Variants in CRYBG2 observed in about 807,000 individuals in gnomAD.
The protein encoded by CRYBG2 is beta/gamma crystallin domain-containing protein 2.
CRYBG2 carries 106 observed loss-of-function variants against 153.4 expected under a neutral mutation model. The observed-to-expected ratio is 0.69, with a 90% CI of 0.59 to 0.81. The LOEUF is 0.81. CRYBG2 is among the 30% of genes least tolerant of loss of function. CRYBG2 has a pLI of 0.00. For missense variants in CRYBG2, 1,996 were observed against 2,112.0 expected (o/e 0.95, Z 1.08); for synonymous variants, 851 against 877.8 (o/e 0.97, Z 0.54).
In CRYBG2 at chr1:26,343,113, AC is replaced by A; in HGVS notation, c.3007del (p.Val1003SerfsTer14). On this transcript the variant is annotated frameshift_variant, in exon 4 of 20. Transcript: ENST00000308182. LOFTEE classifies it high-confidence loss of function. This position sits in a 1 kb window ranked among gnomAD's most constrained non-coding sequence, Gnocchi z 4.1. ...TGAGGCATCAACGATGTCTCCCCAG[AC>A]CTCCCTGCCACTGCCTTGGCAGCCA... is the stretch of plus-strand genomic sequence containing the variant. ...ESGCQGSGRE[V>X]WGDIVDASGW... 1.3e-6 allele frequency: 2 copies of A among 1,550,004 alleles called. No homozygotes were observed. The highest frequency in any genetic ancestry group is 1.7e-6 in the Non-Finnish European group (2 of 1,146,890).
intron 17 of CRYBG2, 26 bp downstream of exon 17, chr1:26,328,183 C>T (rs749299692): frequency 5.8e-6 from 9 of 1,556,012 alleles, no homozygotes; most frequent in East Asian, 2.4e-5. Flanking sequence ...GCCCCAGACA[C>T]GCTCAGCTCC....
rs1470133318 is a variant in CRYBG2, at chr1:26,345,880, C to CGCA, written c.777_778insTGC (p.Gly259_Gly260insCys). The CGCA allele has an allele frequency of 6.3e-7, 1 of 1,597,172 alleles. No individual in the cohort carries two copies. The highest frequency in any genetic ancestry group is 8.5e-7 in the Non-Finnish European group (1 of 1,179,502). On this transcript the variant is annotated inframe_insertion, in exon 2 of 20. Coordinates refer to ENST00000308182, the MANE Select transcript of CRYBG2 (RefSeq NM_001039775.4). ...CTGCCCAGACCTGTGCTCCTTGGCCCGCCAGCCGTGGGCCTGGGCAGGTGA... is the reference window on the plus strand; with the variant it reads ...CTGCCCAGACCTGTGCTCCTTGGCCCGCAGCCAGCCGTGGGCCTGGGCAGGTGA...
In CRYBG2 at chr1:26,325,608, G is replaced by GTTAC. The variant is rs1385890463; in HGVS notation, c.4579-1299_4579-1298insGTAA. ...TTAAAAAAATGAATGCACTCCCACAGATACACACACACACACACACACACA... is the reference window on the plus strand; with the variant it reads ...TTAAAAAAATGAATGCACTCCCACAGTTACATACACACACACACACACACACACA... On this transcript the variant is annotated intron_variant, in intron 17 of 19. Transcript: ENST00000308182. This position sits in a 1 kb window ranked among gnomAD's most constrained non-coding sequence, Gnocchi z 4.1. Among the ~76,000 whole-genome samples, 2 of 78,260 alleles carry GTTAC rather than the reference G, an allele frequency of 2.6e-5. No individual in the cohort carries two copies. The highest frequency in any genetic ancestry group is 9.6e-5 in the African/African-American group (2 of 20,936). 51.3% of individuals were successfully genotyped at this position (78,260 alleles called of 152,430 possible).
At chr1:26,342,714 C>G in intron 5 of CRYBG2, 40 bp downstream of exon 5, 2 of 1,602,586 alleles carry the variant, frequency 1.2e-6, no homozygotes, top group Non-Finnish European at 8.5e-7. Context: ...GATTTCAACT[C>G]TAGGCACTCG....
In CRYBG2 at chr1:26,346,325, C is replaced by G. The variant is rs1363896392; in HGVS notation, c.333G>C (p.Glu111Asp). The change falls in exon 2 of 20, where the codon GAG becomes GAC. Residue 111 changes from glutamate to aspartate, a missense_variant. Physicochemically the swap from Glu to Asp is conservative, Grantham distance 45. Coordinates refer to ENST00000308182, the MANE Select transcript of CRYBG2 (RefSeq NM_001039775.4). This position sits in a 1 kb window ranked among gnomAD's most constrained non-coding sequence, Gnocchi z 4.9. ...GGTCCACAGCCTCCTTCAGCCTCCC[C>G]TCAGGCCTTTTCTCCTTGGGAGGTG... ...YIPPPKEKRP[E>D]GRLKEAVDQS... 5 of 1,599,360 alleles carry G rather than the reference C, an allele frequency of 3.1e-6. No individual in the cohort carries two copies. The highest frequency in any genetic ancestry group is 4.2e-6 in the Non-Finnish European group (5 of 1,179,796).
intron 10 of CRYBG2, 44 bp downstream of exon 10, chr1:26,337,209 G>A: frequency 6.2e-7 from 1 of 1,611,300 alleles, no homozygotes; most frequent in South Asian, 1.1e-5. Flanking sequence ...GGGAGGTCTG[G>A]CTGTGGCCAG....
In CRYBG2 at chr1:26,346,736, G is replaced by A. The variant is rs2074227754; in HGVS notation, c.-55-24C>T. The A allele has an allele frequency of 2.1e-6, 3 of 1,407,552 alleles. No individual in the cohort carries two copies. 87.2% of individuals were successfully genotyped at this position (1,407,552 alleles called of 1,614,324 possible). ...CCCTGCAGAGGAATAAGAAAGATGA[G>A]GGTCAGAGGGTGGTGAGAGTGGCTT... On this transcript the variant is annotated intron_variant, in intron 1 of 19. Transcript: ENST00000308182. The surrounding 1 kb of genome is among the most constrained non-coding windows in gnomAD (Gnocchi z 4.9).
Position 26,336,405 on chromosome 1 carries a change from G to A in CRYBG2, c.4039-35C>T, listed in dbSNP as rs2074055855. The stretch of plus-strand genomic sequence containing the variant: ...GGGACCGAATCGAGAATTAGGGAGG[G>A]TGCCGGCCCCTAGCCTTGTCTTCTC... On this transcript the variant is annotated intron_variant, in intron 12 of 19. Coordinates refer to ENST00000308182, the MANE Select transcript of CRYBG2 (RefSeq NM_001039775.4). This position sits in a 1 kb window ranked among gnomAD's most constrained non-coding sequence, Gnocchi z 4.9. The A allele has an allele frequency of 1.2e-6, 2 of 1,610,728 alleles. No homozygotes were observed. Among genetic ancestry groups the A allele is most frequent in the African/African-American group, 1.3e-5 (1 of 74,802 alleles).
At position 26,345,424 on chromosome 1, in the gene CRYBG2, G is replaced by C. The variant is rs762944274; in HGVS notation, c.1234C>G (p.His412Asp). The C allele has an allele frequency of 3.7e-6, 6 of 1,609,144 alleles. No individual in the cohort carries two copies. The highest frequency in any genetic ancestry group is 1.6e-4 in the Middle Eastern group (1 of 6,076). The change falls in exon 2 of 20, where the codon CAT becomes GAT. Residue 412 changes from histidine to aspartate, a missense_variant. Transcript: ENST00000308182. ...ATVLPMVRSE[H>D]VTVPGQPPAP... ...GGAGGTTGTCCAGGGACTGTCACATGCTCGCTCCTCACCATGGGCAGGACG... is the reference window on the plus strand; with the variant it reads ...GGAGGTTGTCCAGGGACTGTCACATCCTCGCTCCTCACCATGGGCAGGACG...
rs1282649554 is a variant in CRYBG2 at position 26,343,820 on chromosome 1, T to G, written c.2838A>C (p.Gly946=). Residue 946 remains glycine (G), a synonymous_variant, in exon 2 of 20, where the codon GGA becomes GGC. Transcript: ENST00000308182. The surrounding 1 kb of genome is among the most constrained non-coding windows in gnomAD (Gnocchi z 4.1). ...TTTCACTGCAAAGCAGGGGCAACTG[T>G]CCTGGCACCTTCCTGAGCCCCGGTG... ...HGAPGLRKVP[G]QLPLLCSERS... The G allele has an allele frequency of 6.8e-7, 1 of 1,465,184 alleles. No homozygotes were observed. The highest frequency in any genetic ancestry group is 1.4e-5 in the African/African-American group (1 of 70,148). 90.8% of individuals were successfully genotyped at this position (1,465,184 alleles called of 1,614,324 possible).
rs778901937 is a variant in CRYBG2 at position 26,346,380 on chromosome 1, T to C, written c.278A>G (p.His93Arg). The change falls in exon 2 of 20, where the codon CAT (histidine) becomes CGT (arginine). Residue 93 changes from histidine to arginine, a missense_variant. Coordinates refer to ENST00000308182, the MANE Select transcript of CRYBG2 (RefSeq NM_001039775.4). The surrounding 1 kb of genome is among the most constrained non-coding windows in gnomAD (Gnocchi z 4.9). ...DTAGSKNFQSHGPIFSKKYIP... is the reference protein window; with the variant it reads ...DTAGSKNFQSRGPIFSKKYIP... ...GTACTTCTTGGAAAAGATGGGTCCATGGCTCTGGAAGTTCTTGGAGCCAGC... is the reference window on the plus strand; with the variant it reads ...GTACTTCTTGGAAAAGATGGGTCCACGGCTCTGGAAGTTCTTGGAGCCAGC... The C allele has an allele frequency of 3.1e-6, 5 of 1,599,536 alleles. No homozygotes were observed. The highest frequency in any genetic ancestry group is 1.1e-5 in the South Asian group (1 of 91,052).
At chr1:26,333,040 A>AC (rs2074015842) in intron 14 of CRYBG2, among the ~76,000 whole-genome samples, 1 of 141,884 alleles carries the variant, frequency 7.0e-6, no homozygotes, top group African/African-American at 2.6e-5. Flanking sequence ...AAAAAAAAAA[A>AC]AAAAAAGATT....
Position 26,344,707 on chromosome 1 carries a change from T to C in CRYBG2, c.1951A>G (p.Ile651Val). The C allele has an allele frequency of 6.5e-7, 1 of 1,533,166 alleles. No homozygotes were observed. The allele number at this position is 1,533,166 out of a possible 1,614,324, so 95.0% of individuals were successfully genotyped here. Residue 651 changes from isoleucine (I) to valine (V), a missense_variant, in exon 2 of 20, where the codon ATT becomes GTT. Ile to Val is a conservative substitution (Grantham distance 29). Coordinates refer to ENST00000308182, the MANE Select transcript of CRYBG2 (RefSeq NM_001039775.4). Reference sequence around the variant, plus strand: ...AGGGGCGGGGCAAGGCTGCCTGCAATACCCTGGACAGCCTCTTTTTGGATG... The same window carrying C: ...AGGGGCGGGGCAAGGCTGCCTGCAACACCCTGGACAGCCTCTTTTTGGATG... ...SSIQKEAVQG[I>V]AGSLAPPLTK...
Position 26,336,536 on chromosome 1 carries a change from G to T in CRYBG2, c.4038+70C>A, listed in dbSNP as rs1282402360. On this transcript the variant is annotated intron_variant, in intron 12 of 19. Coordinates refer to ENST00000308182, the MANE Select transcript of CRYBG2 (RefSeq NM_001039775.4). The surrounding 1 kb of genome is among the most constrained non-coding windows in gnomAD (Gnocchi z 4.9). ...GTCCTCCAGCCCGCTACCTCTGCGT[G>T]GGGGCGGGGCGCACCCGAACTCCAG... The T allele has an allele frequency of 6.5e-7, 1 of 1,540,752 alleles. No homozygotes were observed. Among genetic ancestry groups the T allele is most frequent in the African/African-American group, 1.4e-5 (1 of 72,436 alleles).
intron 1 of CRYBG2, among the ~76,000 whole-genome samples, chr1:26,351,312 T>A (rs1007798068): frequency 6.6e-6 from 1 of 152,208 alleles, no homozygotes; most frequent in Non-Finnish European, 1.5e-5. Flanking sequence ...TAAGCCCCTG[T>A]CCACCTGCCT....
In CRYBG2 at chr1:26,346,087, GC is replaced by G; in HGVS notation, c.570del (p.Arg191GlyfsTer2). ...TTTVVGGHVD[R>X]RMSSSVTVRP... is the part of the protein sequence containing the mutation. ...CTCACAGTCACAGAGCTGCTCATCC[GC>G]CGGTCCACATGACCTCCCACCACTG... On this transcript the variant is annotated frameshift_variant, in exon 2 of 20. Coordinates refer to ENST00000308182, the MANE Select transcript of CRYBG2 (RefSeq NM_001039775.4). LOFTEE classifies it high-confidence loss of function. This position sits in a 1 kb window ranked among gnomAD's most constrained non-coding sequence, Gnocchi z 4.9. 1 of 1,578,670 alleles carries G rather than the reference GC, an allele frequency of 6.3e-7. No homozygotes were observed. Among genetic ancestry groups the G allele is most frequent in the Non-Finnish European group, 8.6e-7 (1 of 1,167,216 alleles).
Position 26,336,053 on chromosome 1 carries a change from C to T in CRYBG2, c.4184+42G>A. The T allele has an allele frequency of 7.2e-7, 1 of 1,397,148 alleles. No homozygotes were observed. Among genetic ancestry groups the T allele is most frequent in the Non-Finnish European group, 9.5e-7 (1 of 1,051,378 alleles). 86.5% of individuals were successfully genotyped at this position (1,397,148 alleles called of 1,614,324 possible). On this transcript the variant is annotated intron_variant, in intron 14 of 19. Transcript: ENST00000308182. This position sits in a 1 kb window ranked among gnomAD's most constrained non-coding sequence, Gnocchi z 4.9. ...AGACTCTCCTCCTGCAGCCCCGCCT[C>T]TGCCCCAGCGCCCCCAGCCCTCCGC... is the stretch of plus-strand genomic sequence containing the variant.
At position 26,336,412 on chromosome 1, in the gene CRYBG2, C is replaced by CCCCTA; in HGVS notation, c.4039-47_4039-43dup. 6.2e-7 allele frequency: 1 copy of CCCCTA among 1,608,472 alleles called. No homozygotes were observed. The highest frequency in any genetic ancestry group is 8.5e-7 in the Non-Finnish European group (1 of 1,177,414). ...AATCGAGAATTAGGGAGGGTGCCGG[C>CCCCTA]CCCTAGCCTTGTCTTCTCTAGGTTT... On this transcript the variant is annotated intron_variant, in intron 12 of 19. Transcript: ENST00000308182. The surrounding 1 kb of genome is among the most constrained non-coding windows in gnomAD (Gnocchi z 4.9).
intron 17 of CRYBG2, among the ~76,000 whole-genome samples, chr1:26,327,807 C>T (rs773632195): frequency 4.0e-5 from 6 of 151,728 alleles, no homozygotes; most frequent in East Asian, 1.9e-4. Flanking sequence ...ATTAGCTGAG[C>T]GTGGTAGCAC....
Sources: allele counts gnomAD v4.1 joint callset (sites outside exome capture counted in the v4.1 genomes callset), GRCh38; gene constraint gnomAD v4.1.1; non-coding constraint Gnocchi (gnomAD v3.1); transcripts MANE v1.5; gene names NCBI Gene and HGNC (gene_info 2026-07-23, HGNC 2026-07-21).